Variants in KLHL29 observed in about 807,000 individuals in gnomAD.
KLHL29 encodes the protein kelch-like protein 29.
In KLHL29, 21 loss-of-function variants were observed where a neutral mutation model predicts 80.4. That is an observed-to-expected ratio of 0.26 (90% CI 0.19 to 0.38). The LOEUF is 0.38. KLHL29 is among the 10% of genes least tolerant of loss of function. KLHL29 has a pLI of 1.00. For missense variants in KLHL29, 867 were observed against 1,223.9 expected (o/e 0.71, Z 4.35); for synonymous variants, 511 against 526.8 (o/e 0.97, Z 0.41).
intron 2 of KLHL29, among the ~76,000 whole-genome samples, chr2:23,560,004 C>T (rs967084060): frequency 2.6e-5 from 4 of 152,144 alleles, no homozygotes; most frequent in Non-Finnish European, 4.4e-5. Context: ...TCAGCCACGT[C>T]GCAAGTGAGG....
At chr2:23,616,624 T>A (rs1669012966) in intron 3 of KLHL29, 1 of 152,252 alleles carries the variant, frequency 6.6e-6, no homozygotes, top group Admixed American at 6.5e-5. Flanking sequence ...GGCCGATTCC[T>A]TGCCAGAACC....
At chr2:23,676,686 T>C (rs1336790224) in intron 5 of KLHL29, among the ~76,000 whole-genome samples, 2 of 152,116 alleles carry the variant, frequency 1.3e-5, no homozygotes, top group African/African-American at 4.8e-5. Flanking sequence ...AGGAAGCAAG[T>C]GTAGGAGAAA....
intron 2 of KLHL29, among the ~76,000 whole-genome samples, chr2:23,490,039 A>G (rs1665050592): frequency 6.6e-6 from 1 of 152,236 alleles, no homozygotes; most frequent in Non-Finnish European, 1.5e-5. Flanking sequence ...TGTTGAATGG[A>G]AAGATCATTC....
intron 5 of KLHL29, among the ~76,000 whole-genome samples, chr2:23,676,048 C>A (rs1670911134): frequency 6.6e-6 from 1 of 152,194 alleles, no homozygotes; most frequent in South Asian, 2.1e-4. Context: ...AGGAGACAGA[C>A]AGACAGACAT....
chr2:23,642,517 C>T lies in KLHL29; in HGVS notation c.607C>T (p.His203Tyr). 1 of 1,531,530 alleles carries T rather than the reference C, an allele frequency of 6.5e-7. No homozygotes were observed. The highest frequency in any genetic ancestry group is 1.2e-5 in the South Asian group (1 of 82,466). 94.9% of individuals were successfully genotyped at this position (1,531,530 alleles called of 1,614,324 possible). The change falls in exon 5 of 14, where the codon CAC becomes TAC. Residue 203 changes from histidine (H) to tyrosine (Y), a missense_variant. Transcript: ENST00000486442. Reference sequence around the variant, plus strand: ...GCCCCAGCTCCCGCTGATGCCAGGCCACTACTCGCTCCCTCAGCCGCCCTC... The same window carrying T: ...GCCCCAGCTCCCGCTGATGCCAGGCTACTACTCGCTCCCTCAGCCGCCCTC... ...VGPQLPLMPG[H>Y]YSLPQPPSQP...
intron 3 of KLHL29, among the ~76,000 whole-genome samples, chr2:23,578,051 A>G (rs548389477): frequency 1.3e-5 from 2 of 152,188 alleles, no homozygotes; most frequent in African/African-American, 4.8e-5. Context: ...ATTCCTCCCT[A>G]TCATTGGAGT....
rs115891447 is a variant in KLHL29, at chr2:23,389,491, A to G, written c.-154+3711A>G. 5.5e-3 allele frequency among the ~76,000 whole-genome samples: 838 copies of G among 151,676 alleles called. 4 individuals carry two copies. The highest frequency in any genetic ancestry group is 0.019 in the African/African-American group (782 of 41,492). On this transcript the variant is annotated intron_variant, in intron 1 of 13. Coordinates refer to ENST00000486442, the MANE Select transcript of KLHL29 (RefSeq NM_052920.2). ...TAAGTGCCTACTTGGGGATAGGAGG[A>G]GGAAGAAACATCATGAATAAGAAAT...
intron 5 of KLHL29, among the ~76,000 whole-genome samples, chr2:23,650,217 G>A (rs1490799143): frequency 1.5e-4 from 23 of 152,220 alleles, no homozygotes; most frequent in Non-Finnish European, 5.9e-5. Context: ...AGAAAAGAGG[G>A]GTCAGGTTAG....
chr2:23,657,478 G>A (rs1572471971), intron 5 of KLHL29, among the ~76,000 whole-genome samples: 1 of 152,178 alleles, frequency 6.6e-6, no homozygotes, highest in East Asian at 1.9e-4. Context: ...AATAATTGCA[G>A]TCTGTATATA....
chr2:23,415,334 C>A (rs1666957809), intron 1 of KLHL29, among the ~76,000 whole-genome samples: 1 of 152,194 alleles, frequency 6.6e-6, no homozygotes, highest in African/African-American at 2.4e-5. Context: ...GTGCTGAGAA[C>A]CTGCCCAGGA....
Position 23,416,606 on chromosome 2 carries a change from CA to C in KLHL29, c.-154+30827del, listed in dbSNP as rs563472444. 1.8e-3 allele frequency among the ~76,000 whole-genome samples: 281 copies of C among 152,336 alleles called. 2 individuals are homozygous for C. The highest frequency in any genetic ancestry group is 5.4e-3 in the Admixed American group (83 of 15,306). On this transcript the variant is annotated intron_variant, in intron 1 of 13. Coordinates refer to ENST00000486442, the MANE Select transcript of KLHL29 (RefSeq NM_052920.2). ...ATCACCCTGTCTTTTGAGCTGTTCTCATCTCTCTGTCAATAGATCCATTGTC... is the reference window on the plus strand; with the variant it reads ...ATCACCCTGTCTTTTGAGCTGTTCTCTCTCTCTGTCAATAGATCCATTGTC...
At chr2:23,489,286 C>T (rs1008198337) in intron 2 of KLHL29, among the ~76,000 whole-genome samples, 4 of 152,086 alleles carry the variant, frequency 2.6e-5, no homozygotes, top group Non-Finnish European at 5.9e-5. Context: ...GTTGGTCCTT[C>T]TACAGAAAGC....
chr2:23,406,632 AT>A (rs1666745626), intron 1 of KLHL29, among the ~76,000 whole-genome samples: 1 of 151,834 alleles, frequency 6.6e-6, no homozygotes, highest in South Asian at 2.1e-4. Context: ...TTTTTATATC[AT>A]TTTGGTTCAC....
intron 3 of KLHL29, among the ~76,000 whole-genome samples, chr2:23,630,548 A>G (rs1352182451): frequency 2.0e-5 from 3 of 152,112 alleles, no homozygotes; most frequent in Admixed American, 6.5e-5. Context: ...CAGTGGTGCT[A>G]TCTTGGCTCA....
intron 3 of KLHL29, among the ~76,000 whole-genome samples, chr2:23,631,518 G>A (rs1216838543): frequency 1.3e-5 from 2 of 152,176 alleles, no homozygotes; most frequent in Non-Finnish European, 2.9e-5. Flanking sequence ...GCACCGGAGC[G>A]CATTATGGCA....
chr2:23,388,989 CTTTTTTTT>C (rs10691490), intron 1 of KLHL29, among the ~76,000 whole-genome samples: 1 of 106,884 alleles, frequency 9.4e-6, no homozygotes, highest in Non-Finnish European at 1.9e-5. Flanking sequence ...CTTTCTTCTT[CTTTTTTTT>C]TTTTTTTTTT....
At position 23,673,591 on chromosome 2, in the gene KLHL29, A is replaced by T. The variant is rs2149178315; in HGVS notation, c.941-10808A>T. 1.3e-5 allele frequency among the ~76,000 whole-genome samples: 2 copies of T among 151,564 alleles called. 1 individual carries two copies. The highest frequency in any genetic ancestry group is 4.2e-4 in the South Asian group (2 of 4,764). On this transcript the variant is annotated intron_variant, in intron 5 of 13. Coordinates refer to ENST00000486442, the MANE Select transcript of KLHL29 (RefSeq NM_052920.2). Reference sequence around the variant, plus strand: ...CACACACATACATGGGCACATACACAGGGGTGCATACACACCCATACCACC... The same window carrying T: ...CACACACATACATGGGCACATACACTGGGGTGCATACACACCCATACCACC...
intron 2 of KLHL29, among the ~76,000 whole-genome samples, chr2:23,485,683 A>G (rs944863137): frequency 2.6e-5 from 4 of 152,200 alleles, no homozygotes; most frequent in African/African-American, 9.6e-5. Flanking sequence ...AGGCAACAGC[A>G]AGCAGCAGAA....
chr2:23,418,207 T>C (rs1318775046), intron 1 of KLHL29, among the ~76,000 whole-genome samples: 1 of 152,196 alleles, frequency 6.6e-6, no homozygotes, highest in African/African-American at 2.4e-5. Flanking sequence ...CCTGCCCTCC[T>C]GCCTGACTCC....
Sources: allele counts gnomAD v4.1 joint callset (sites outside exome capture counted in the v4.1 genomes callset), GRCh38; gene constraint gnomAD v4.1.1; transcripts MANE v1.5; gene names NCBI Gene and HGNC (gene_info 2026-07-23, HGNC 2026-07-21).